CNR1: variants seen among roughly 807,000 people sequenced by gnomAD.
CNR1 encodes cannabinoid receptor 1 (brain).
Under a neutral mutation model 23.0 loss-of-function variants are expected in CNR1, and 10 were observed. The observed-to-expected ratio is 0.43, with a 90% CI of 0.27 to 0.74. The LOEUF is 0.74. Among genes scored for constraint, CNR1 ranks in the 30% least tolerant of loss-of-function variants. The pLI, the probability that CNR1 is intolerant of heterozygous loss-of-function variation, is 0.19. For synonymous variants in CNR1, 271 were observed against 255.2 expected, an observed-to-expected ratio of 1.06 and a Z score of -0.59; for missense variants, 422 against 618.8, an observed-to-expected ratio of 0.68 and a Z score of 3.37.
chr6:88,166,693 G>A (rs1778383508), upstream of CNR1, among the ~76,000 whole-genome samples: 1 of 152,298 alleles, frequency 6.6e-6, no homozygotes, highest in South Asian at 2.1e-4. Context: ...GCTGGTGCAT[G>A]CGCCGCCCAC....
At position 88,144,021 on chromosome 6, in the gene CNR1, A is replaced by G. The variant is rs2127826237; in HGVS notation, c.1254T>C (p.Thr418=). 1 of 1,614,058 alleles carries G rather than the reference A, an allele frequency of 6.2e-7. No homozygotes were observed. The highest frequency in any genetic ancestry group is 8.5e-7 in the Non-Finnish European group (1 of 1,180,006). Reference sequence around the variant, plus strand: ...CCATGCTGTTATCCAGAGGCTGCGCAGTGCCTTCACAAGAGGGAAACATGC... The same window carrying G: ...CCATGCTGTTATCCAGAGGCTGCGCGGTGCCTTCACAAGAGGGAAACATGC... ...FRSMFPSCEG[T]AQPLDNSMGD... Residue 418 remains threonine (T), a synonymous_variant, in exon 2 of 2, where the codon ACT becomes ACC. Transcript: ENST00000369501. This position sits in a 1 kb window ranked among gnomAD's most constrained non-coding sequence, Gnocchi z 7.8.
At chr6:88,148,227 C>T (rs1483919320) in intron 1 of CNR1, among the ~76,000 whole-genome samples, 3 of 152,326 alleles carry the variant, frequency 2.0e-5, no homozygotes, top group Middle Eastern at 6.8e-3. Flanking sequence ...CTTGCCATAG[C>T]TCCCTGCTTC....
chr6:88,157,017 A>G (rs1257494780), intron 1 of CNR1, among the ~76,000 whole-genome samples: 1 of 152,166 alleles, frequency 6.6e-6, no homozygotes, highest in Non-Finnish European at 1.5e-5. Flanking sequence ...CAGATCAGGT[A>G]TTTACTTTTT....
At chr6:88,164,566 G>A (rs1185763445) in intron 1 of CNR1, among the ~76,000 whole-genome samples, 2 of 152,184 alleles carry the variant, frequency 1.3e-5, no homozygotes, top group Non-Finnish European at 2.9e-5. Flanking sequence ...CTGAGTTAGA[G>A]AGCGGGGGAG....
At chr6:88,166,694 C>G (rs371175277), upstream of CNR1, among the ~76,000 whole-genome samples, 8 of 152,306 alleles carry the variant, frequency 5.3e-5, no homozygotes, top group African/African-American at 1.7e-4. Flanking sequence ...CTGGTGCATG[C>G]GCCGCCCACG....
At chr6:88,166,692 T>G (rs1171322020), upstream of CNR1, among the ~76,000 whole-genome samples, 1 of 152,072 alleles carries the variant, frequency 6.6e-6, no homozygotes, top group Admixed American at 6.5e-5. Context: ...GGCTGGTGCA[T>G]GCGCCGCCCA....
chr6:88,156,030 C>T (rs1424160136), intron 1 of CNR1, among the ~76,000 whole-genome samples: 2 of 152,152 alleles, frequency 1.3e-5, no homozygotes, highest in East Asian at 1.9e-4. Flanking sequence ...CTCAAAATCA[C>T]CCAACTTCCC....
chr6:88,163,626 A>G (rs567791527), intron 1 of CNR1, among the ~76,000 whole-genome samples: 1 of 152,242 alleles, frequency 6.6e-6, no homozygotes, highest in East Asian at 1.9e-4. Flanking sequence ...CTGACACTGC[A>G]TACTAAACAC....
At chr6:88,157,619 G>A (rs930735705) in intron 1 of CNR1, among the ~76,000 whole-genome samples, 12 of 152,118 alleles carry the variant, frequency 7.9e-5, no homozygotes, top group Admixed American at 3.3e-4. Context: ...TTAAGAATGA[G>A]AAAAGGAAAG....
intron 1 of CNR1, among the ~76,000 whole-genome samples, chr6:88,158,082 C>T (rs2127765915): frequency 6.6e-6 from 1 of 152,252 alleles, no homozygotes; most frequent in Non-Finnish European, 1.5e-5. Context: ...GCTAACAATG[C>T]AAGACATAAA....
Position 88,143,197 on chromosome 6 carries a change from A to C in CNR1, c.*659T>G, listed in dbSNP as rs1200788854. ...TTCTTCTTGTTGAGGTAACAGAAAA[A>C]TAAACCTTTACGGTTATTTCAGTGT... On this transcript the variant is annotated 3_prime_UTR_variant, in exon 2 of 2. Coordinates refer to ENST00000369501, the MANE Select transcript of CNR1 (RefSeq NM_016083.6). 3.3e-5 allele frequency: 5 copies of C among 152,544 alleles called. No individual in the cohort carries two copies. In the East Asian group the frequency reaches 9.4e-4, roughly 29 times the overall value. 9.4% of individuals were successfully genotyped at this position (152,544 alleles called of 1,614,324 possible).
At chr6:88,152,008 GTC>G (rs1395082225) in intron 1 of CNR1, among the ~76,000 whole-genome samples, 1 of 152,044 alleles carries the variant, frequency 6.6e-6, no homozygotes, top group African/African-American at 2.4e-5. Flanking sequence ...AGACTCCACA[GTC>G]TGTTTTGAGA....
chr6:88,166,880 G>T (rs557389996), upstream of CNR1, among the ~76,000 whole-genome samples: 1,127 of 151,920 alleles, frequency 7.4e-3, 6 homozygotes, highest in Middle Eastern at 0.017. Flanking sequence ...GCGCAAGGCC[G>T]CTCCCGTGGC....
rs1240639695 is a variant in CNR1 at position 88,142,061 on chromosome 6, A to C, written c.*1795T>G. Reference sequence around the variant, plus strand: ...TTAAGGAGCATGAGACCGGGGTGTAAGAAGAAAGCAGCTGTGTTTATCTTC... The same window carrying C: ...TTAAGGAGCATGAGACCGGGGTGTACGAAGAAAGCAGCTGTGTTTATCTTC... On this transcript the variant is annotated 3_prime_UTR_variant, in exon 2 of 2. Coordinates refer to ENST00000369501, the MANE Select transcript of CNR1 (RefSeq NM_016083.6). 6.6e-6 allele frequency: 1 copy of C among 152,324 alleles called. No individual in the cohort carries two copies. The highest frequency in any genetic ancestry group is 1.5e-5 in the Non-Finnish European group (1 of 68,052). 9.4% of individuals were successfully genotyped at this position (152,324 alleles called of 1,614,324 possible). A position where few individuals can be genotyped will look rare whatever the true frequency, so the allele number is the denominator to read the frequency against.
At position 88,144,120 on chromosome 6, in the gene CNR1, G is replaced by A; in HGVS notation, c.1155C>T (p.Leu385=). 1 of 1,614,050 alleles carries A rather than the reference G, an allele frequency of 6.2e-7. No homozygotes were observed. Among genetic ancestry groups the A allele is most frequent in the Non-Finnish European group, 8.5e-7 (1 of 1,180,006 alleles). Residue 385 remains leucine, a synonymous_variant, in exon 2 of 2, where the codon CTC becomes CTT. Transcript: ENST00000369501. This position sits in a 1 kb window ranked among gnomAD's most constrained non-coding sequence, Gnocchi z 7.8. ...IKTVFAFCSM[L]CLLNSTVNPI... ...GGTTCACGGTGGAGTTCAGCAGGCAGAGCATACTGCAGAATGCAAACACCG... is the reference window on the plus strand; with the variant it reads ...GGTTCACGGTGGAGTTCAGCAGGCAAAGCATACTGCAGAATGCAAACACCG...
chr6:88,145,197 ATTT>A lies in CNR1; in HGVS notation c.75_77del (p.Asn26del), dbSNP rs1777106629. The A allele has an allele frequency of 6.2e-7, 1 of 1,613,988 alleles. No individual in the cohort carries two copies. The highest frequency in any genetic ancestry group is 8.5e-7 in the Non-Finnish European group (1 of 1,180,018). On this transcript the variant is annotated inframe_deletion, in exon 2 of 2. Coordinates refer to ENST00000369501, the MANE Select transcript of CNR1 (RefSeq NM_016083.6). ...CTTTGATGTCTTCGTACTGAATGTC[ATTT>A]GAGCCCACGTACAGGAGGTCAGTGG...
chr6:88,143,318 G>A lies in CNR1; in HGVS notation c.*538C>T, dbSNP rs1442020349. On this transcript the variant is annotated 3_prime_UTR_variant, in exon 2 of 2. Coordinates refer to ENST00000369501, the MANE Select transcript of CNR1 (RefSeq NM_016083.6). ...AGAAAAAAAGTGCACACATTGACAC[G>A]TATCCACTGCTTGTCCATTGTTCTC... The A allele has an allele frequency of 6.5e-6, 1 of 153,316 alleles. No individual in the cohort carries two copies. The highest frequency in any genetic ancestry group is 1.5e-5 in the Non-Finnish European group (1 of 68,528). The allele number at this position is 153,316 out of a possible 1,614,324, so 9.5% of individuals were successfully genotyped here. A position where few individuals can be genotyped will look rare whatever the true frequency, so the allele number is the denominator to read the frequency against.
Position 88,165,825 on chromosome 6 carries a change from G to A in CNR1, c.-86C>T, listed in dbSNP as rs1007118631. The A allele has an allele frequency of 1.3e-5, 2 of 152,468 alleles. No individual in the cohort carries two copies. Among genetic ancestry groups the A allele is most frequent in the Non-Finnish European group, 2.9e-5 (2 of 68,166 alleles). The allele number at this position is 152,468 out of a possible 1,614,324, so 9.4% of individuals were successfully genotyped here. A position where few individuals can be genotyped will look rare whatever the true frequency, so the allele number is the denominator to read the frequency against. Reference sequence around the variant, plus strand: ...TACCCTTCGCATCCCCTGGTCCTCGGGACAGAAGCTCCCTTGGCACCTCTC... The same window carrying A: ...TACCCTTCGCATCCCCTGGTCCTCGAGACAGAAGCTCCCTTGGCACCTCTC... On this transcript the variant is annotated 5_prime_UTR_variant, in exon 1 of 2. Transcript: ENST00000369501.
intron 1 of CNR1, among the ~76,000 whole-genome samples, chr6:88,146,097 T>A (rs1188624972): frequency 6.6e-6 from 1 of 152,056 alleles, no homozygotes; most frequent in East Asian, 1.9e-4. Flanking sequence ...ACAGAGTTTT[T>A]TTTTTCTTTC....
Sources: gnomAD v4.1 joint callset for allele counts (sites outside exome capture counted in the v4.1 genomes callset) on GRCh38, gnomAD v4.1.1 for gene constraint, Gnocchi (gnomAD v3.1) non-coding constraint, MANE v1.5 for transcripts, NCBI Gene and HGNC (gene_info 2026-07-23, HGNC 2026-07-21) for gene names.